GRIN2B: variants seen among roughly 807,000 people sequenced by gnomAD.
GRIN2B encodes glutamate ionotropic receptor NMDA type subunit 2B, also known as glutamate receptor ionotropic, NMDA 2B.
GRIN2B carries 5 observed loss-of-function variants against 114.5 expected under a neutral mutation model. That is an observed-to-expected ratio of 0.04 (90% CI 0.02 to 0.09). GRIN2B has a LOEUF of 0.09. Among genes scored for constraint, GRIN2B ranks in the 10% least tolerant of loss-of-function variants. GRIN2B has a pLI of 1.00. For missense variants in GRIN2B, 1,108 were observed against 1,943.5 expected (o/e 0.57, Z 8.08); for synonymous variants, 787 against 745.1 (o/e 1.06, Z -0.92).
intron 4 of GRIN2B, among the ~76,000 whole-genome samples, chr12:13,745,940 C>G (rs1418999100): frequency 1.3e-5 from 2 of 151,944 alleles, no homozygotes; most frequent in African/African-American, 4.8e-5. Flanking sequence ...CAATTGCCTA[C>G]TTATCAGGCA....
rs182577770 is a variant in GRIN2B, at chr12:13,652,539, C to A, written c.1125+23206G>T. Among the ~76,000 whole-genome samples the A allele has an allele frequency of 1.5e-3, 225 of 151,898 alleles. 2 individuals carry two copies. The highest frequency in any genetic ancestry group is 4.8e-3 in the African/African-American group (201 of 41,450). ...GACAAAGCGGAAACCATGTGCAGTG[C>A]AAGGAGGTGAGGAAGGTATGGTAGA... On this transcript the variant is annotated intron_variant, in intron 5 of 13. Coordinates refer to ENST00000609686, the MANE Select transcript of GRIN2B (RefSeq NM_000834.5).
At chr12:13,735,555 T>C (rs941928957) in intron 4 of GRIN2B, among the ~76,000 whole-genome samples, 13 of 152,184 alleles carry the variant, frequency 8.5e-5, no homozygotes, top group Admixed American at 8.5e-4. Context: ...GGCATAATGC[T>C]GCTATGTTAA....
At chr12:13,865,472 A>G (rs982310103) in intron 3 of GRIN2B, among the ~76,000 whole-genome samples, 5 of 151,708 alleles carry the variant, frequency 3.3e-5, no homozygotes, top group African/African-American at 9.7e-5. Flanking sequence ...TCTCTACTAA[A>G]AATACAAAAA....
chr12:13,736,064 A>C (rs1863175045), intron 4 of GRIN2B, among the ~76,000 whole-genome samples: 1 of 151,096 alleles, frequency 6.6e-6, no homozygotes, highest in South Asian at 2.1e-4. Flanking sequence ...TTTGCAATAG[A>C]AATAGAAAAA....
chr12:13,827,821 A>G (rs1183921682), intron 3 of GRIN2B, among the ~76,000 whole-genome samples: 5 of 152,096 alleles, frequency 3.3e-5, no homozygotes, highest in Non-Finnish European at 7.4e-5. Flanking sequence ...AGCTGGAACT[A>G]CAGGCGCATG....
Position 13,563,091 on chromosome 12 carries a change from T to C in GRIN2B, c.4147A>G (p.Thr1383Ala). The change falls in exon 14 of 14, where the codon ACG becomes GCG. Residue 1383 changes from threonine (T) to alanine (A), a missense_variant. Transcript: ENST00000609686. ...AAAGTGGGGATGAAAGGGTTTTGCG[T>C]GACCCGGTCAGGGTAGAGCGACTTG... The part of the protein sequence containing the change: ...LSKSLYPDRV[T>A]QNPFIPTFGD... 1.9e-6 allele frequency: 3 copies of C among 1,614,242 alleles called. No individual in the cohort carries two copies. Among genetic ancestry groups the C allele is most frequent in the Non-Finnish European group, 2.5e-6 (3 of 1,180,048 alleles).
intron 2 of GRIN2B, among the ~76,000 whole-genome samples, chr12:13,877,339 C>T (rs961451151): frequency 7.9e-5 from 12 of 152,220 alleles, no homozygotes; most frequent in African/African-American, 2.4e-4. Context: ...ATTATTTCAG[C>T]TTCCTGGTTA....
intron 4 of GRIN2B, among the ~76,000 whole-genome samples, chr12:13,677,521 C>T (rs1425579267): frequency 6.6e-6 from 1 of 152,048 alleles, no homozygotes; most frequent in Non-Finnish European, 1.5e-5. Flanking sequence ...ACAGAAGATC[C>T]CAAAGGAGTA....
At chr12:13,606,321 G>A (rs1279662676) in intron 10 of GRIN2B, among the ~76,000 whole-genome samples, 1 of 152,212 alleles carries the variant, frequency 6.6e-6, no homozygotes, top group Non-Finnish European at 1.5e-5. Flanking sequence ...TGGTGGAAGG[G>A]GCAGGGGAGC....
chr12:13,938,754 G>C (rs956803323), intron 2 of GRIN2B, among the ~76,000 whole-genome samples: 2 of 152,124 alleles, frequency 1.3e-5, no homozygotes, highest in Non-Finnish European at 2.9e-5. Context: ...CTGCAAAAGG[G>C]CACAAGAGAA....
intron 2 of GRIN2B, among the ~76,000 whole-genome samples, chr12:13,876,076 T>C (rs1207284212): frequency 6.6e-6 from 1 of 152,208 alleles, no homozygotes; most frequent in Non-Finnish European, 1.5e-5. Flanking sequence ...GAAATAGTAG[T>C]GAAAACGGCA....
intron 5 of GRIN2B, among the ~76,000 whole-genome samples, chr12:13,649,875 A>C (rs1230262532): frequency 2.0e-5 from 3 of 152,112 alleles, no homozygotes; most frequent in Non-Finnish European, 4.4e-5. Context: ...TTCTAGCGCT[A>C]ACAGTTTAAC....
rs187987008 is a variant in GRIN2B, at chr12:13,603,200, T to C, written c.2010+5403A>G. ...CACCATTCTTCTCTATTTAAAATAA[T>C]GTCTCTAAAAGGCTTATTAAATAAA... On this transcript the variant is annotated intron_variant, in intron 10 of 13. Transcript: ENST00000609686. Among the ~76,000 whole-genome samples the C allele has an allele frequency of 6.8e-3, 1,034 of 152,328 alleles. 6 individuals are homozygous for C. Among genetic ancestry groups the C allele is most frequent in the Middle Eastern group, 0.02 (6 of 294 alleles).
chr12:13,594,910 C>T (rs1270653198), intron 10 of GRIN2B, among the ~76,000 whole-genome samples: 8 of 152,102 alleles, frequency 5.3e-5, no homozygotes, highest in Admixed American at 6.5e-5. Flanking sequence ...TTCCTTTTTG[C>T]CCCATTCCAA....
At chr12:13,768,501 G>A (rs543550303) in intron 3 of GRIN2B, among the ~76,000 whole-genome samples, 1 of 152,338 alleles carries the variant, frequency 6.6e-6, no homozygotes, top group South Asian at 2.1e-4. Context: ...AGTAGAGAAG[G>A]AAGTGGCTCA....
intron 3 of GRIN2B, among the ~76,000 whole-genome samples, chr12:13,853,986 C>T (rs1426480611): frequency 6.6e-6 from 1 of 152,090 alleles, no homozygotes; most frequent in Non-Finnish European, 1.5e-5. Flanking sequence ...GGACGGAGAA[C>T]TAAAAGAACT....
intron 3 of GRIN2B, among the ~76,000 whole-genome samples, chr12:13,771,926 C>T (rs1863916455): frequency 6.6e-6 from 1 of 152,234 alleles, no homozygotes; most frequent in South Asian, 2.1e-4. Flanking sequence ...GTTGTCCCTT[C>T]TGAATATGTC....
At chr12:13,868,742 G>C (rs1390413483) in intron 2 of GRIN2B, among the ~76,000 whole-genome samples, 1 of 152,036 alleles carries the variant, frequency 6.6e-6, no homozygotes, top group Admixed American at 6.6e-5. Flanking sequence ...ATTATATTTG[G>C]CTATGCAGTG....
intron 3 of GRIN2B, among the ~76,000 whole-genome samples, chr12:13,769,956 A>C (rs1379128425): frequency 5.9e-5 from 9 of 152,226 alleles, no homozygotes; most frequent in Non-Finnish European, 1.3e-4. Context: ...GCGGAAAGTT[A>C]GCTATTTATT....
Sources: allele counts gnomAD v4.1 joint callset (sites outside exome capture counted in the v4.1 genomes callset), GRCh38; gene constraint gnomAD v4.1.1; transcripts MANE v1.5; gene names NCBI Gene and HGNC (gene_info 2026-07-23, HGNC 2026-07-21).